The following STIM1 variants were observed in gnomAD, a reference collection of about 807,000 sequenced individuals.
The protein encoded by STIM1 is stromal interaction molecule 1.
STIM1 carries 25 observed loss-of-function variants against 74.7 expected under a neutral mutation model. The observed-to-expected ratio is 0.33, with a 90% CI of 0.24 to 0.47. The LOEUF is 0.47. Among genes scored for constraint, STIM1 ranks in the 20% least tolerant of loss-of-function variants. The pLI is 1.00. For missense variants in STIM1, 728 were observed against 920.8 expected (o/e 0.79, Z 2.71); for synonymous variants, 328 against 348.8 (o/e 0.94, Z 0.66).
intron 3 of STIM1, among the ~76,000 whole-genome samples, chr11:4,027,863 G>T (rs1421648961): frequency 6.6e-6 from 1 of 152,098 alleles, no homozygotes; most frequent in African/African-American, 2.4e-5. Context: ...GGGTGGCTGG[G>T]TAGTTTTGTA....
At chr11:4,004,345 G>C (rs1230708574) in intron 2 of STIM1, among the ~76,000 whole-genome samples, 2 of 151,778 alleles carry the variant, frequency 1.3e-5, no homozygotes, top group African/African-American at 4.8e-5. Context: ...ATACTACAAG[G>C]CTACAGTAAC....
intron 1 of STIM1, among the ~76,000 whole-genome samples, chr11:3,920,445 A>G (rs2092703929): frequency 6.6e-6 from 1 of 152,196 alleles, no homozygotes; most frequent in African/African-American, 2.4e-5. Flanking sequence ...TTTCATATAA[A>G]TGGAATCATG....
At chr11:3,921,569 T>A (rs2092718244) in intron 1 of STIM1, among the ~76,000 whole-genome samples, 1 of 152,252 alleles carries the variant, frequency 6.6e-6, no homozygotes, top group Non-Finnish European at 1.5e-5. Context: ...CAGTGGGTAC[T>A]GTCACATTCT....
At chr11:3,936,701 A>G (rs2092935844) in intron 1 of STIM1, among the ~76,000 whole-genome samples, 1 of 152,240 alleles carries the variant, frequency 6.6e-6, no homozygotes, top group Admixed American at 6.5e-5. Context: ...ACTTGGCACT[A>G]TAGAGGCAAC....
chr11:3,929,765 A>G (rs2092834899), intron 1 of STIM1, among the ~76,000 whole-genome samples: 1 of 152,016 alleles, frequency 6.6e-6, no homozygotes, highest in Non-Finnish European at 1.5e-5. Flanking sequence ...TTCAGAGTGG[A>G]CCCCGTTCTG....
chr11:3,874,236 T>C (rs1039304300), intron 1 of STIM1, among the ~76,000 whole-genome samples: 6 of 152,200 alleles, frequency 3.9e-5, no homozygotes, highest in African/African-American at 1.4e-4. Context: ...GTTGATTGTC[T>C]GTTCTAGTAG....
At chr11:3,972,935 G>A in intron 2 of STIM1, 1 of 510,862 alleles carries the variant, frequency 2.0e-6, no homozygotes, top group Non-Finnish European at 3.9e-6. Context: ...TTTGAGGACT[G>A]ATTGTTATAA....
chr11:3,948,061 T>C (rs2093101024), intron 1 of STIM1, among the ~76,000 whole-genome samples: 1 of 152,066 alleles, frequency 6.6e-6, no homozygotes, highest in South Asian at 2.1e-4. Flanking sequence ...GAGAACAGAA[T>C]ACAGTTAGGT....
chr11:4,006,105 T>C (rs557949904), intron 2 of STIM1, among the ~76,000 whole-genome samples: 3 of 152,266 alleles, frequency 2.0e-5, no homozygotes, highest in African/African-American at 7.2e-5. Flanking sequence ...TTAGGAGTGA[T>C]TGGATTATCG....
chr11:3,898,001 A>G (rs2092238693), intron 1 of STIM1, among the ~76,000 whole-genome samples: 2 of 152,224 alleles, frequency 1.3e-5, no homozygotes, highest in African/African-American at 4.8e-5. Context: ...TTATAGCAGC[A>G]TGATTTATAG....
chr11:4,034,212 G>A (rs1005174482), intron 3 of STIM1, among the ~76,000 whole-genome samples: 7 of 151,926 alleles, frequency 4.6e-5, no homozygotes, highest in African/African-American at 1.7e-4. Context: ...CTGGGCAACA[G>A]AGTGAGACAC....
chr11:4,000,975 A>G (rs2093710146), intron 2 of STIM1, among the ~76,000 whole-genome samples: 1 of 152,250 alleles, frequency 6.6e-6, no homozygotes, highest in Admixed American at 6.5e-5. Flanking sequence ...CAACTGGAAG[A>G]AAGAGTATCA....
At chr11:3,922,793 A>G (rs538404299) in intron 1 of STIM1, 1 of 147,846 alleles carries the variant, frequency 6.8e-6, no homozygotes, top group African/African-American at 2.5e-5. Flanking sequence ...AATGAGTAAT[A>G]AAAAAAAAAA....
At chr11:3,914,701 A>G (rs1176373037) in intron 1 of STIM1, among the ~76,000 whole-genome samples, 1 of 152,172 alleles carries the variant, frequency 6.6e-6, no homozygotes. Context: ...CGGCCTCCCA[A>G]AGTGCTGGGA....
intron 1 of STIM1, among the ~76,000 whole-genome samples, chr11:3,912,918 A>G (rs1448302131): frequency 6.6e-6 from 1 of 152,116 alleles, no homozygotes; most frequent in African/African-American, 2.4e-5. Flanking sequence ...TAAAAACAGT[A>G]TGTGGTGCTT....
At chr11:4,058,848 TTTAGA>T in intron 4 of STIM1, 2 of 1,028,358 alleles carry the variant, frequency 1.9e-6, no homozygotes, top group Non-Finnish European at 2.3e-6. Flanking sequence ...TGACAGTGAG[TTTAGA>T]TTAGGATAAT....
intron 3 of STIM1, among the ~76,000 whole-genome samples, chr11:4,043,458 C>CT (rs889954170): frequency 2.6e-5 from 4 of 152,006 alleles, no homozygotes; most frequent in African/African-American, 4.8e-5. Context: ...GTAAGTGATA[C>CT]TTTTTTGTGA....
At chr11:3,929,654 G>T (rs1477235204) in intron 1 of STIM1, among the ~76,000 whole-genome samples, 3 of 152,216 alleles carry the variant, frequency 2.0e-5, no homozygotes, top group African/African-American at 7.2e-5. Flanking sequence ...GTAGAAACAA[G>T]CCTAGAGAAT....
At chr11:3,975,419 C>A (rs1010471835) in intron 2 of STIM1, among the ~76,000 whole-genome samples, 1 of 152,158 alleles carries the variant, frequency 6.6e-6, no homozygotes, top group Non-Finnish European at 1.5e-5. Context: ...GAGTTTGAGA[C>A]CAGCTTGGCC....
Sources: gnomAD v4.1 joint callset for allele counts (sites outside exome capture counted in the v4.1 genomes callset) on GRCh38, gnomAD v4.1.1 for gene constraint, MANE v1.5 for transcripts, NCBI Gene and HGNC (gene_info 2026-07-23, HGNC 2026-07-21) for gene names.